Variants in RSRC1 observed in about 807,000 individuals in gnomAD.
The protein encoded by RSRC1 is arginine and serine rich coiled-coil 1.
RSRC1 carries 39 observed loss-of-function variants against 49.1 expected under a neutral mutation model. The observed-to-expected ratio is 0.79, with a 90% CI of 0.61 to 1.04. RSRC1 has a LOEUF of 1.04. RSRC1 is among the 50% of genes least tolerant of loss of function. The pLI, the probability that RSRC1 is intolerant of heterozygous loss-of-function variation, is 0.00. For missense variants in RSRC1, 388 were observed against 402.4 expected (o/e 0.96, Z 0.31); for synonymous variants, 143 against 130.8 (o/e 1.09, Z -0.63).
intron 6 of RSRC1, among the ~76,000 whole-genome samples, chr3:158,429,840 A>G (rs1269894105): frequency 6.6e-6 from 1 of 151,528 alleles, no homozygotes; most frequent in East Asian, 2.0e-4. Flanking sequence ...AAATTCGTAG[A>G]ATCGAGGAGT....
intron 5 of RSRC1, among the ~76,000 whole-genome samples, chr3:158,341,317 C>T (rs772018794): frequency 6.6e-6 from 1 of 152,036 alleles, no homozygotes; most frequent in Non-Finnish European, 1.5e-5. Context: ...CCCAGAGACC[C>T]AGCAGGAAAA....
intron 6 of RSRC1, among the ~76,000 whole-genome samples, chr3:158,408,533 A>G (rs1734268422): frequency 6.6e-6 from 1 of 152,214 alleles, no homozygotes; most frequent in East Asian, 1.9e-4. Context: ...ATCGCAGAAA[A>G]AAAATGAGCA....
chr3:158,516,116 T>A (rs1304565752), intron 7 of RSRC1, among the ~76,000 whole-genome samples: 3 of 152,260 alleles, frequency 2.0e-5, no homozygotes, highest in Non-Finnish European at 1.5e-5. Context: ...TCATTCTCCG[T>A]CCAGCTTTGT....
At chr3:158,127,992 T>G (rs559838698) in intron 3 of RSRC1, among the ~76,000 whole-genome samples, 1 of 152,344 alleles carries the variant, frequency 6.6e-6, no homozygotes, top group Middle Eastern at 3.4e-3. Context: ...CTCTCACTTC[T>G]GACGAAGAAA....
Position 158,235,101 on chromosome 3 carries a change from G to A in RSRC1, c.494+31856G>A, listed in dbSNP as rs1470017765. ...AACATAATATAATAGCCACCACCCA[G>A]TAGTAGTGAGCGATTTTTCTTTTGA... On this transcript the variant is annotated intron_variant, in intron 4 of 9. Coordinates refer to ENST00000611884, the MANE Select transcript of RSRC1 (RefSeq NM_001271838.2). Among the ~76,000 whole-genome samples the A allele has an allele frequency of 4.6e-5, 7 of 152,230 alleles. No homozygotes were observed. The East Asian group carries it at 1.4e-3, about 29-fold the overall frequency.
intron 7 of RSRC1, among the ~76,000 whole-genome samples, chr3:158,500,122 T>A (rs1578549841): frequency 1.3e-5 from 2 of 152,340 alleles, no homozygotes; most frequent in East Asian, 3.9e-4. Context: ...ATTGAGATGA[T>A]CATGTGATTT....
At chr3:158,465,602 C>T (rs1737847066) in intron 7 of RSRC1, among the ~76,000 whole-genome samples, 2 of 152,156 alleles carry the variant, frequency 1.3e-5, no homozygotes, top group Non-Finnish European at 2.9e-5. Flanking sequence ...CGTGATTGTC[C>T]TTTCTAGCCC....
At chr3:158,241,506 A>C (rs1452448418) in intron 4 of RSRC1, among the ~76,000 whole-genome samples, 1 of 151,734 alleles carries the variant, frequency 6.6e-6, no homozygotes, top group Non-Finnish European at 1.5e-5. Flanking sequence ...AAGTGTCCAT[A>C]GTGCCTTATT....
chr3:158,329,407 G>A (rs1426635446), intron 5 of RSRC1, among the ~76,000 whole-genome samples: 1 of 152,124 alleles, frequency 6.6e-6, no homozygotes, highest in Admixed American at 6.5e-5. Flanking sequence ...ACATACAGTT[G>A]GGGTCTTGGT....
intron 7 of RSRC1, among the ~76,000 whole-genome samples, chr3:158,467,781 T>C (rs745486601): frequency 1.2e-4 from 18 of 152,236 alleles, no homozygotes; most frequent in Non-Finnish European, 2.1e-4. Flanking sequence ...AGATTGACGT[T>C]ATTGAAACTT....
At chr3:158,337,431 C>T (rs1464507180) in intron 5 of RSRC1, among the ~76,000 whole-genome samples, 1 of 152,188 alleles carries the variant, frequency 6.6e-6, no homozygotes, top group East Asian at 1.9e-4. Context: ...CCGAGAGCTG[C>T]TCTGAAATGC....
At chr3:158,110,675 G>A (rs1714324484) in intron 1 of RSRC1, 1 of 152,478 alleles carries the variant, frequency 6.6e-6, no homozygotes, top group African/African-American at 2.4e-5. Context: ...CCCTGCCTTA[G>A]ATCCAGCTCT....
chr3:158,230,005 A>C (rs1206455084), intron 4 of RSRC1, among the ~76,000 whole-genome samples: 1 of 152,112 alleles, frequency 6.6e-6, no homozygotes, highest in East Asian at 1.9e-4. Flanking sequence ...TGCATCAATC[A>C]CAGCTCCCCT....
chr3:158,513,882 C>G (rs529540854), intron 7 of RSRC1, among the ~76,000 whole-genome samples: 1 of 152,158 alleles, frequency 6.6e-6, no homozygotes, highest in African/African-American at 2.4e-5. Context: ...TCCATTTCTT[C>G]TAGATTTTCT....
chr3:158,371,270 C>G (rs1039577798), intron 6 of RSRC1, among the ~76,000 whole-genome samples: 2 of 151,804 alleles, frequency 1.3e-5, no homozygotes, highest in African/African-American at 2.4e-5. Flanking sequence ...CAGCAAAATG[C>G]ACCTTTTTTA....
chr3:158,427,533 G>C (rs144547906), intron 6 of RSRC1, among the ~76,000 whole-genome samples: 2 of 151,640 alleles, frequency 1.3e-5, no homozygotes, highest in African/African-American at 4.8e-5. Flanking sequence ...GATTGATTTC[G>C]CTTGACCAAA....
chr3:158,398,404 G>A lies in RSRC1; in HGVS notation c.583+43496G>A, dbSNP rs1258259147. ...GTGAGGGCCAGGTGTCTGCTTCCAA[G>A]ATGGCACCTTGAACTTTGCACACTG... On this transcript the variant is annotated intron_variant, in intron 6 of 9. Transcript: ENST00000611884. 2.0e-5 allele frequency among the ~76,000 whole-genome samples: 3 copies of A among 152,200 alleles called. No homozygotes were observed. The East Asian group carries it at 5.8e-4, about 29-fold the overall frequency.
At chr3:158,239,506 C>G (rs1200282585) in intron 4 of RSRC1, among the ~76,000 whole-genome samples, 2 of 151,320 alleles carry the variant, frequency 1.3e-5, no homozygotes, top group Non-Finnish European at 2.9e-5. Flanking sequence ...CACATATACA[C>G]CATGGAATAC....
intron 7 of RSRC1, among the ~76,000 whole-genome samples, chr3:158,513,081 T>C (rs1417533217): frequency 7.0e-6 from 1 of 143,680 alleles, no homozygotes; most frequent in Non-Finnish European, 1.5e-5. Context: ...TTTGACTTCC[T>C]CTTTTCCTAA....
Sources: gnomAD v4.1 joint callset for allele counts (sites outside exome capture counted in the v4.1 genomes callset) on GRCh38, gnomAD v4.1.1 for gene constraint, MANE v1.5 for transcripts, NCBI Gene and HGNC (gene_info 2026-07-23, HGNC 2026-07-21) for gene names.